The following MASTL variants were observed in gnomAD, a reference collection of about 807,000 sequenced individuals.
MASTL encodes the protein microtubule associated serine/threonine kinase like.
MASTL carries 54 observed loss-of-function variants against 82.5 expected under a neutral mutation model. The observed-to-expected ratio is 0.65, with a 90% confidence interval of 0.53 to 0.82. The LOEUF (loss-of-function observed/expected upper bound fraction) is 0.82. Among genes scored for constraint, MASTL ranks in the 40% least tolerant of loss-of-function variants. The probability of loss-of-function intolerance (pLI) is 0.00; values close to 1 mark genes in which losing one functional copy is unlikely to be tolerated. For missense variants in MASTL, 950 were observed against 1,047.8 expected, an observed-to-expected ratio of 0.91 and a Z score of 1.29; for synonymous variants, 323 against 368.9, an observed-to-expected ratio of 0.88 and a Z score of 1.43.
chr10:27,155,486 C>A lies in MASTL; in HGVS notation c.60C>A (p.Gly20=). Residue 20 remains glycine, a synonymous_variant, in exon 1 of 12, where the codon GGC becomes GGA. Transcript: ENST00000375940. ...GAGGAGGCGCGGCGACTGAGGAGGG[C>A]GTGAATAGGATCGCAGTGCCAAAAC... ...EPGGGAATEE[G]VNRIAVPKPP... 1 of 1,613,986 alleles carries A rather than the reference C, an allele frequency of 6.2e-7. No individual in the cohort carries two copies. Among genetic ancestry groups the A allele is most frequent in the Non-Finnish European group, 8.5e-7 (1 of 1,179,980 alleles).
At chr10:27,168,000 T>C (rs1452638817) in intron 7 of MASTL, among the ~76,000 whole-genome samples, 5 of 152,212 alleles carry the variant, frequency 3.3e-5, no homozygotes, top group African/African-American at 1.2e-4. Context: ...TGGTAGGAAC[T>C]AAAATTTAAA....
chr10:27,169,052 C>G (rs1032658298), intron 7 of MASTL, among the ~76,000 whole-genome samples: 1 of 152,006 alleles, frequency 6.6e-6, no homozygotes, highest in Non-Finnish European at 1.5e-5. Context: ...AAAAAAAAAT[C>G]ATTATTAATG....
At chr10:27,155,291 A>C (rs1308167968), upstream of MASTL, 8 of 839,770 alleles carry the variant, frequency 9.5e-6, no homozygotes, top group Non-Finnish European at 1.1e-5. Flanking sequence ...AGGGGAGGTG[A>C]CGAGGGCGGG....
At chr10:27,173,371 A>G (rs1203764467) in intron 9 of MASTL, 112 bp downstream of exon 9, 23 of 1,192,822 alleles carry the variant, frequency 1.9e-5, no homozygotes, top group Middle Eastern at 2.2e-4. Context: ...GTAAAAGAAA[A>G]TGAACTCATC....
At chr10:27,161,236 G>C in intron 4 of MASTL, 54 bp downstream of exon 4, 1 of 1,037,728 alleles carries the variant, frequency 9.6e-7, no homozygotes, top group Non-Finnish European at 1.5e-6. Flanking sequence ...GGCCAGGCGT[G>C]GTGGCTCACA....
At chr10:27,156,546 C>T (rs1361827503) in intron 1 of MASTL, among the ~76,000 whole-genome samples, 1 of 152,164 alleles carries the variant, frequency 6.6e-6, no homozygotes, top group Non-Finnish European at 1.5e-5. Context: ...GTCGCCCAGG[C>T]TGGAGTGCTG....
chr10:27,162,420 T>C (rs535793173), intron 4 of MASTL, among the ~76,000 whole-genome samples: 181 of 152,328 alleles, frequency 1.2e-3, no homozygotes, highest in South Asian at 6.0e-3. Context: ...CCCAGCACTC[T>C]GGGAGGCCGA....
In MASTL at chr10:27,187,693, A is replaced by G. The variant is rs1195677510; in HGVS notation, c.*1157A>G. Among the ~76,000 whole-genome samples, 1 of 151,384 alleles carries G rather than the reference A, an allele frequency of 6.6e-6. No individual in the cohort carries two copies. The highest frequency in any genetic ancestry group is 1.5e-5 in the Non-Finnish European group (1 of 67,904). ...CTTGAACCCAGGAGGTGGAGATTGC[A>G]GTGAGCTGAGATCACATCACTGCAT... On this transcript the variant is annotated 3_prime_UTR_variant, in exon 12 of 12. Transcript: ENST00000375940.
At chr10:27,171,410 A>AATT (rs71386919) in intron 8 of MASTL, among the ~76,000 whole-genome samples, 3,570 of 144,688 alleles carry the variant, frequency 0.025, 83 homozygotes, top group African/African-American at 0.062. Context: ...TGAGTTACAA[A>AATT]ATTATTATTA....
chr10:27,184,991 T>G (rs547492201), intron 11 of MASTL, among the ~76,000 whole-genome samples: 1 of 152,312 alleles, frequency 6.6e-6, no homozygotes, highest in South Asian at 2.1e-4. Context: ...GAGCTTCCAA[T>G]GTAGCCATAA....
chr10:27,172,297 G>T (rs2057973136), intron 8 of MASTL, among the ~76,000 whole-genome samples: 1 of 152,052 alleles, frequency 6.6e-6, no homozygotes, highest in Non-Finnish European at 1.5e-5. Flanking sequence ...TGACTTAGAA[G>T]TCCCTTAACC....
intron 11 of MASTL, among the ~76,000 whole-genome samples, chr10:27,183,970 C>T (rs1459145134): frequency 6.6e-6 from 1 of 152,122 alleles, no homozygotes; most frequent in Admixed American, 6.6e-5. Flanking sequence ...CCTTGGCCTC[C>T]CTAAGTACTG....
At chr10:27,168,544 C>T (rs773577010) in intron 7 of MASTL, among the ~76,000 whole-genome samples, 13 of 152,140 alleles carry the variant, frequency 8.5e-5, no homozygotes, top group Admixed American at 3.9e-4. Flanking sequence ...AGGCCAGGCG[C>T]GGTGGCTCAC....
Position 27,187,760 on chromosome 10 carries a change from A to AAG in MASTL, c.*1225_*1226insGA. ...GAATGAGACTCAGTCTCAAAAAAAA[A>AAG]AAAAATACTACTGGAACAATTAGGT... is the stretch of plus-strand genomic sequence containing the variant. On this transcript the variant is annotated 3_prime_UTR_variant, in exon 12 of 12. Coordinates refer to ENST00000375940, the MANE Select transcript of MASTL (RefSeq NM_001172303.3). Among the ~76,000 whole-genome samples, 1 of 152,030 alleles carries AAG rather than the reference A, an allele frequency of 6.6e-6. No individual in the cohort carries two copies. The highest frequency in any genetic ancestry group is 1.9e-4 in the East Asian group (1 of 5,196).
intron 9 of MASTL, 118 bp downstream of exon 9, chr10:27,173,377 T>C: frequency 9.2e-7 from 1 of 1,084,228 alleles, no homozygotes; most frequent in Non-Finnish European, 1.4e-6. Context: ...GAAAATGAAC[T>C]CATCTAGTAT....
Position 27,181,567 on chromosome 10 carries a change from G to C in MASTL, c.2468G>C (p.Arg823Thr), listed in dbSNP as rs751976926. The C allele has an allele frequency of 1.2e-6, 2 of 1,606,256 alleles. No individual in the cohort carries two copies. The highest frequency in any genetic ancestry group is 1.7e-6 in the Non-Finnish European group (2 of 1,173,288). ...CTTTTAACCATTGATGATACAAAGA[G>C]AGCTGGAATGAAAGGTATGGTTTTG... ...EILLTIDDTK[R>T]AGMKELKRHP... Residue 823 changes from arginine (R) to threonine (T), a missense_variant, in exon 11 of 12, where the codon AGA (arginine) becomes ACA (threonine). Arg to Thr is a moderately conservative substitution (Grantham distance 71, BLOSUM62 -1). Transcript: ENST00000375940.
chr10:27,165,631 G>A (rs933924229), intron 6 of MASTL, 92 bp downstream of exon 6: 1 of 1,403,068 alleles, frequency 7.1e-7, no homozygotes, highest in East Asian at 2.4e-5. Context: ...CTTTCTTTTT[G>A]AGACGGAGTC....
At chr10:27,177,461 C>A (rs759128934) in intron 9 of MASTL, among the ~76,000 whole-genome samples, 17 of 152,162 alleles carry the variant, frequency 1.1e-4, no homozygotes, top group Non-Finnish European at 1.8e-4. Flanking sequence ...AGACATCTAG[C>A]TCCCTCAGCT....
At chr10:27,176,589 G>A (rs538074472) in intron 9 of MASTL, among the ~76,000 whole-genome samples, 28 of 152,190 alleles carry the variant, frequency 1.8e-4, no homozygotes, top group African/African-American at 6.3e-4. Flanking sequence ...TTTTGCTTGT[G>A]TATTAAACCT....
Sources: gnomAD v4.1 joint callset for allele counts (sites outside exome capture counted in the v4.1 genomes callset) on GRCh38, gnomAD v4.1.1 for gene constraint, MANE v1.5 for transcripts, NCBI Gene and HGNC (gene_info 2026-07-23, HGNC 2026-07-21) for gene names.